The following PPP6C variants were observed in gnomAD, a reference collection of about 807,000 sequenced individuals.
PPP6C encodes protein phosphatase 6 catalytic subunit, also known as serine/threonine-protein phosphatase 6 catalytic subunit.
PPP6C carries 11 observed loss-of-function variants against 39.8 expected under a neutral mutation model. The observed-to-expected ratio is 0.28, with a 90% CI of 0.17 to 0.46. The LOEUF is 0.46. Among genes scored for constraint, PPP6C ranks in the 20% least tolerant of loss-of-function variants. The pLI, the probability that PPP6C is intolerant of heterozygous loss-of-function variation, is 1.00. For missense variants in PPP6C, 211 were observed against 373.9 expected, an observed-to-expected ratio of 0.56 and a Z score of 3.59; for synonymous variants, 129 against 130.3, an observed-to-expected ratio of 0.99 and a Z score of 0.07.
intron 1 of PPP6C, among the ~76,000 whole-genome samples, chr9:125,186,789 A>T (rs962731817): frequency 1.3e-5 from 2 of 151,906 alleles, no homozygotes; most frequent in African/African-American, 4.9e-5. Flanking sequence ...TTTTTAAGAA[A>T]AAAAAAGAAA....
chr9:125,151,077 G>A (rs1289872509), intron 6 of PPP6C: 1 of 1,325,626 alleles, frequency 7.5e-7, no homozygotes, highest in Admixed American at 1.7e-5. Context: ...TGGACTATCT[G>A]TATGCAGAGC....
intron 4 of PPP6C, among the ~76,000 whole-genome samples, chr9:125,154,518 C>T (rs964551644): frequency 1.3e-5 from 2 of 152,210 alleles, no homozygotes; most frequent in African/African-American, 4.8e-5. Context: ...TGTAGTACTG[C>T]TCTTCATTCC....
intron 1 of PPP6C, among the ~76,000 whole-genome samples, chr9:125,186,269 T>G (rs1387366016): frequency 6.6e-6 from 1 of 151,964 alleles, no homozygotes; most frequent in Admixed American, 6.6e-5. Context: ...TAATTTTAGG[T>G]TGCACTTCAT....
chr9:125,165,047 AT>A (rs1018112458), intron 2 of PPP6C, among the ~76,000 whole-genome samples: 18 of 148,270 alleles, frequency 1.2e-4, no homozygotes, highest in South Asian at 4.3e-4. Context: ...GGGAAGTGGA[AT>A]TTTTTTTTTT....
intron 4 of PPP6C, among the ~76,000 whole-genome samples, chr9:125,157,237 T>G (rs1013856705): frequency 6.6e-6 from 1 of 150,606 alleles, no homozygotes; most frequent in Non-Finnish European, 1.5e-5. Context: ...CGCCTCGGCC[T>G]CCCAAAGTGC....
At chr9:125,158,775 C>A (rs1052145557) in intron 3 of PPP6C, among the ~76,000 whole-genome samples, 2 of 151,858 alleles carry the variant, frequency 1.3e-5, no homozygotes, top group Non-Finnish European at 2.9e-5. Flanking sequence ...GATTCTCTTG[C>A]CTCAGACTCC....
At chr9:125,177,101 G>A (rs577384790) in intron 1 of PPP6C, among the ~76,000 whole-genome samples, 3 of 152,250 alleles carry the variant, frequency 2.0e-5, no homozygotes, top group Middle Eastern at 3.4e-3. Context: ...CCGGCCGGGC[G>A]CGGTGGCTCA....
intron 6 of PPP6C, chr9:125,151,031 A>G (rs889501159): frequency 2.2e-6 from 3 of 1,372,260 alleles, no homozygotes; most frequent in Non-Finnish European, 3.1e-6. Flanking sequence ...ATGGACCTAC[A>G]TGCTTCTCAA....
intron 2 of PPP6C, among the ~76,000 whole-genome samples, chr9:125,166,655 C>T (rs1434884971): frequency 6.6e-6 from 1 of 151,086 alleles, no homozygotes; most frequent in Non-Finnish European, 1.5e-5. Flanking sequence ...TGCCTTAGTC[C>T]CTGAGTAGCT....
intron 1 of PPP6C, among the ~76,000 whole-genome samples, chr9:125,173,572 T>C (rs1052908464): frequency 6.6e-6 from 1 of 151,080 alleles, no homozygotes; most frequent in Non-Finnish European, 1.5e-5. Context: ...GGTGAGACTC[T>C]TTCTCAAAAC....
chr9:125,189,214 G>A (rs1434042339), intron 1 of PPP6C, among the ~76,000 whole-genome samples: 2 of 152,212 alleles, frequency 1.3e-5, no homozygotes, highest in South Asian at 2.1e-4. Flanking sequence ...GGTAGCCGGT[G>A]GCATCTCCTG....
chr9:125,152,025 G>T (rs1159679608), intron 6 of PPP6C, among the ~76,000 whole-genome samples: 3 of 151,950 alleles, frequency 2.0e-5, no homozygotes, highest in Admixed American at 1.3e-4. Context: ...TATGGCAAGA[G>T]CCCTGGGCAA....
At chr9:125,160,988 G>C in intron 2 of PPP6C, 82 bp from the exon 3 acceptor site, 1 of 975,758 alleles carries the variant, frequency 1.0e-6, no homozygotes, top group South Asian at 1.7e-5. Context: ...AATGTGTAAA[G>C]AAGCAGCTAA....
chr9:125,188,574 T>TC (rs1414102701), intron 1 of PPP6C, among the ~76,000 whole-genome samples: 1 of 151,908 alleles, frequency 6.6e-6, no homozygotes, highest in African/African-American at 2.4e-5. Flanking sequence ...TCACTTGAGG[T>TC]CAGGAGTTCA....
chr9:125,188,799 T>TAATAATAATAATAATA (rs1829590349), intron 1 of PPP6C: 1 of 303,054 alleles, frequency 3.3e-6, no homozygotes, highest in Non-Finnish European at 5.4e-6. Context: ...AAAACAATAA[T>TAATAATAATAATAATA]AATAATAATA....
chr9:125,187,981 A>T (rs1416646882), intron 1 of PPP6C, among the ~76,000 whole-genome samples: 2 of 152,076 alleles, frequency 1.3e-5, no homozygotes, highest in Non-Finnish European at 2.9e-5. Flanking sequence ...CATTCACAAC[A>T]GCACGTGTGG....
At chr9:125,189,055 G>C (rs1020219145) in intron 1 of PPP6C, 1 of 803,052 alleles carries the variant, frequency 1.2e-6, no homozygotes, top group Non-Finnish European at 1.9e-6. Context: ...ATTCACCTCT[G>C]AATTAGCAAA....
At chr9:125,167,842 GGGGGGTATCAT>G (rs1384251663) in intron 2 of PPP6C, among the ~76,000 whole-genome samples, 7 of 127,548 alleles carry the variant, frequency 5.5e-5, no homozygotes, top group African/African-American at 8.7e-5. Flanking sequence ...GGGGGGGGGG[GGGGGGTATCAT>G]TTGGTTGCCC....
At chr9:125,161,073 A>C (rs1828864323) in intron 2 of PPP6C, among the ~76,000 whole-genome samples, 167 bp from the exon 3 acceptor site, 1 of 152,152 alleles carries the variant, frequency 6.6e-6, no homozygotes, top group Non-Finnish European at 1.5e-5. Flanking sequence ...CTCAAGACTA[A>C]AAAAAGCACT....
Sources: gnomAD v4.1 joint callset for allele counts (sites outside exome capture counted in the v4.1 genomes callset) on GRCh38, gnomAD v4.1.1 for gene constraint, MANE v1.5 for transcripts, NCBI Gene and HGNC (gene_info 2026-07-23, HGNC 2026-07-21) for gene names.